The following RHBDL3 variants were observed in gnomAD, a reference collection of about 807,000 sequenced individuals.
RHBDL3 encodes rhomboid like 3.
Under a neutral mutation model 48.2 loss-of-function variants are expected in RHBDL3, and 28 were observed. That is an observed-to-expected ratio of 0.58 (90% CI 0.43 to 0.80). The LOEUF is 0.80. RHBDL3 is among the 30% of genes least tolerant of loss of function. The pLI, the probability that RHBDL3 is intolerant of heterozygous loss-of-function variation, is 0.00. For missense variants in RHBDL3, 464 were observed against 542.7 expected (o/e 0.85, Z 1.44); for synonymous variants, 208 against 232.3 (o/e 0.90, Z 0.95).
rs1017378042 is a variant in RHBDL3, at chr17:32,265,867, C to T, written c.-323C>T. On this transcript the variant is annotated 5_prime_UTR_variant, in exon 1 of 9. Transcript: ENST00000269051. ...GGCCGCGAGAAGCGGGAAGGGAGCGCGGGGAGCGGCGGGGCCGGGGCCGGC... is the reference window on the plus strand; with the variant it reads ...GGCCGCGAGAAGCGGGAAGGGAGCGTGGGGAGCGGCGGGGCCGGGGCCGGC... Among the ~76,000 whole-genome samples, 4 of 147,242 alleles carry T rather than the reference C, an allele frequency of 2.7e-5. No individual in the cohort carries two copies. Among genetic ancestry groups the T allele is most frequent in the South Asian group, 4.2e-4 (2 of 4,810 alleles).
At position 32,320,361 on chromosome 17, in the gene RHBDL3, C is replaced by T. The variant is rs1300988227; in HGVS notation, c.944-597C>T. Reference sequence around the variant, plus strand: ...TGTTTGTTTTTGAGACAGTCTTGCTCTGTCGCCCCAGCTGCAGCGCAGTAG... The same window carrying T: ...TGTTTGTTTTTGAGACAGTCTTGCTTTGTCGCCCCAGCTGCAGCGCAGTAG... On this transcript the variant is annotated intron_variant, in intron 8 of 8. Transcript: ENST00000269051. 2.0e-5 allele frequency among the ~76,000 whole-genome samples: 3 copies of T among 152,208 alleles called. 1 individual carries two copies. The South Asian group carries it at 6.2e-4, about 31-fold the overall frequency.
At chr17:32,306,864 T>C (rs1275231689) in intron 7 of RHBDL3, among the ~76,000 whole-genome samples, 1 of 152,078 alleles carries the variant, frequency 6.6e-6, no homozygotes, top group Non-Finnish European at 1.5e-5. Context: ...GAGGTTACAG[T>C]GAGCAGAGAT....
chr17:32,311,842 T>C lies in RHBDL3; in HGVS notation c.883-4390T>C, dbSNP rs554370176. Among the ~76,000 whole-genome samples, 11 of 152,282 alleles carry C rather than the reference T, an allele frequency of 7.2e-5. No homozygotes were observed. The East Asian group carries it at 1.9e-3, about 27-fold the overall frequency. ...GGCAGTGGTCTTAGTGCTTTACATA[T>C]ATTAATTCATTTCATTCTCACAACC... On this transcript the variant is annotated intron_variant, in intron 7 of 8. Coordinates refer to ENST00000269051, the MANE Select transcript of RHBDL3 (RefSeq NM_138328.3).
intron 2 of RHBDL3, among the ~76,000 whole-genome samples, chr17:32,281,135 C>T (rs985229210): frequency 4.6e-5 from 7 of 152,174 alleles, no homozygotes; most frequent in African/African-American, 1.2e-4. Context: ...AACCGAGGCT[C>T]GGCCTGATTC....
At chr17:32,268,951 CGGGAAGA>C (rs1421227349) in intron 2 of RHBDL3, among the ~76,000 whole-genome samples, 6 of 152,012 alleles carry the variant, frequency 3.9e-5, no homozygotes, top group Admixed American at 6.6e-5. Flanking sequence ...TGAGGATGGA[CGGGAAGA>C]GGGACATGGT....
At chr17:32,296,266 G>GA (rs1022466429) in intron 5 of RHBDL3, among the ~76,000 whole-genome samples, 15 of 133,692 alleles carry the variant, frequency 1.1e-4, no homozygotes, top group South Asian at 7.7e-4. Flanking sequence ...AAAGAAAAAA[G>GA]AAAAAAAACA....
chr17:32,267,973 C>G, intron 2 of RHBDL3, 48 bp downstream of exon 2: 1 of 1,446,900 alleles, frequency 6.9e-7, no homozygotes, highest in South Asian at 1.1e-5. Context: ...TCCCTGAAAT[C>G]GGTCTCAGTC....
chr17:32,287,963 A>G (rs1261693037), intron 3 of RHBDL3, among the ~76,000 whole-genome samples: 1 of 152,218 alleles, frequency 6.6e-6, no homozygotes, highest in South Asian at 2.1e-4. Flanking sequence ...TCTACCCAGT[A>G]TGTGTCAGAG....
intron 8 of RHBDL3, among the ~76,000 whole-genome samples, chr17:32,318,955 ATC>A (rs2041040478): frequency 6.6e-6 from 1 of 152,064 alleles, no homozygotes; most frequent in Non-Finnish European, 1.5e-5. Flanking sequence ...GGGCTGGAGA[ATC>A]TCTCATCCCA....
chr17:32,318,018 T>C (rs2041016787), intron 8 of RHBDL3, among the ~76,000 whole-genome samples: 1 of 147,210 alleles, frequency 6.8e-6, no homozygotes, highest in Non-Finnish European at 1.5e-5. Flanking sequence ...AGACCAGCCT[T>C]GGCAATATAG....
chr17:32,297,478 CAAAA>C (rs1019741871), intron 5 of RHBDL3, among the ~76,000 whole-genome samples: 1 of 151,754 alleles, frequency 6.6e-6, no homozygotes, highest in African/African-American at 2.4e-5. Context: ...CAAAACAAAA[CAAAA>C]ACAAACAAAC....
At chr17:32,295,917 G>A (rs1032496333) in intron 5 of RHBDL3, among the ~76,000 whole-genome samples, 1 of 152,184 alleles carries the variant, frequency 6.6e-6, no homozygotes, top group East Asian at 1.9e-4. Flanking sequence ...GGAGGAAGGT[G>A]TTCACAGGGT....
At chr17:32,308,982 C>A (rs1433002553) in intron 7 of RHBDL3, among the ~76,000 whole-genome samples, 1 of 152,082 alleles carries the variant, frequency 6.6e-6, no homozygotes, top group Non-Finnish European at 1.5e-5. Context: ...AGTAGAATCA[C>A]TTGAACCTAG....
chr17:32,271,185 T>C (rs1045172854), intron 2 of RHBDL3, among the ~76,000 whole-genome samples: 2 of 152,364 alleles, frequency 1.3e-5, no homozygotes, highest in African/African-American at 2.4e-5. Flanking sequence ...TTTTATTTCC[T>C]ACTACTTTTT....
intron 8 of RHBDL3, among the ~76,000 whole-genome samples, chr17:32,319,300 T>TA (rs1226759752): frequency 1.3e-5 from 2 of 151,500 alleles, no homozygotes; most frequent in Non-Finnish European, 2.9e-5. Flanking sequence ...CACATGCCTG[T>TA]AGTCCCAGCT....
chr17:32,277,756 C>T (rs2039949108), intron 2 of RHBDL3, among the ~76,000 whole-genome samples: 1 of 152,260 alleles, frequency 6.6e-6, no homozygotes, highest in Non-Finnish European at 1.5e-5. Context: ...GCTGTGGACT[C>T]ATACCTTGTT....
chr17:32,270,293 A>G (rs544079098), intron 2 of RHBDL3, among the ~76,000 whole-genome samples: 1 of 152,012 alleles, frequency 6.6e-6, no homozygotes, highest in South Asian at 2.1e-4. Context: ...CCAGTCAAGT[A>G]TCTCCTCCCT....
intron 2 of RHBDL3, chr17:32,284,074 G>A (rs891134609): frequency 5.9e-5 from 9 of 152,366 alleles, no homozygotes; most frequent in Non-Finnish European, 1.0e-4. Flanking sequence ...TCATGCGCGC[G>A]CACAAACACC....
Position 32,323,195 on chromosome 17 carries a change from T to C in RHBDL3, c.*1966T>C, listed in dbSNP as rs2041180751. On this transcript the variant is annotated 3_prime_UTR_variant, in exon 9 of 9. Transcript: ENST00000269051. ...GTCCTGCTCCCCTGCACCAGTGCCA[T>C]GCTGAGGGCCGCAGCCTGTGGCACT... 1 of 152,444 alleles carries C rather than the reference T, an allele frequency of 6.6e-6. No homozygotes were observed. The highest frequency in any genetic ancestry group is 1.5e-5 in the Non-Finnish European group (1 of 68,196). The allele number at this position is 152,444 out of a possible 1,614,324, so 9.4% of individuals were successfully genotyped here.
Sources: gnomAD v4.1 joint callset for allele counts (sites outside exome capture counted in the v4.1 genomes callset) on GRCh38, gnomAD v4.1.1 for gene constraint, MANE v1.5 for transcripts, NCBI Gene and HGNC (gene_info 2026-07-23, HGNC 2026-07-21) for gene names.